The following FRY variants were observed in gnomAD, a reference collection of about 807,000 sequenced individuals.
The protein encoded by FRY is protein furry homolog.
Under a neutral mutation model 348.4 loss-of-function variants are expected in FRY, and 128 were observed. The observed-to-expected ratio is 0.37, with a 90% confidence interval of 0.32 to 0.43. The LOEUF (loss-of-function observed/expected upper bound fraction) is 0.43. FRY is among the 20% of genes least tolerant of loss of function. FRY has a pLI of 1.00. For synonymous variants in FRY, 1,370 were observed against 1,374.7 expected (o/e 1.00, Z 0.08); for missense variants, 2,736 against 3,695.2 (o/e 0.74, Z 6.73).
rs7330552 is a variant in FRY, at chr13:32,132,767, C to A, written c.885+927C>A. Among the ~76,000 whole-genome samples the A allele has an allele frequency of 8.9e-3, 1,349 of 152,108 alleles. 28 individuals are homozygous for A. Among genetic ancestry groups the A allele is most frequent in the African/African-American group, 0.031 (1,284 of 41,496 alleles). On this transcript the variant is annotated intron_variant, in intron 8 of 60. Coordinates refer to ENST00000542859, the MANE Select transcript of FRY (RefSeq NM_023037.3). ...TTCATAGCAGCATTATTCATAGTTG[C>A]CAAAAAGTGGAAACAACCCAAATGT...
At chr13:32,263,314 A>G (rs906024710) in intron 53 of FRY, among the ~76,000 whole-genome samples, 2 of 152,236 alleles carry the variant, frequency 1.3e-5, no homozygotes, top group African/African-American at 4.8e-5. Flanking sequence ...CTAATGGAAA[A>G]ATATAATATT....
In FRY at chr13:32,265,514, A is replaced by G. The variant is rs762846762; in HGVS notation, c.7844A>G (p.Asn2615Ser). 1.1e-5 allele frequency: 17 copies of G among 1,614,012 alleles called. No homozygotes were observed. Among genetic ancestry groups the G allele is most frequent in the Middle Eastern group, 1.6e-4 (1 of 6,084 alleles). ...GAGGATGATCTTTCTAGTTCCATCA[A>G]TGAACTCCCAGCAGCTTTTGAATGC... Reference protein sequence around the residue: ...VHEDDLSSSINELPAAFECSD... With the variant: ...VHEDDLSSSISELPAAFECSD... The change falls in exon 54 of 61, where the codon AAT becomes AGT. Residue 2615 changes from asparagine (N) to serine (S), a missense_variant. This residue lies in a region of FRY where 789 missense variants were observed against 996.2 expected (regional missense o/e 0.79). Transcript: ENST00000542859.
rs1265346953 is a variant in FRY, at chr13:32,055,538, G to A, written c.71-23296G>A. 2.0e-5 allele frequency among the ~76,000 whole-genome samples: 3 copies of A among 152,216 alleles called. No homozygotes were observed. The South Asian group carries it at 6.2e-4, about 32-fold the overall frequency. On this transcript the variant is annotated intron_variant, in intron 1 of 60. Transcript: ENST00000542859. ...CCTTGCCAGGGATTCAAATTCTGTA[G>A]GTCTTCATGAGGCCATTGAGTCTGT...
At chr13:32,113,085 G>A (rs181511378) in intron 3 of FRY, among the ~76,000 whole-genome samples, 12 of 152,084 alleles carry the variant, frequency 7.9e-5, no homozygotes, top group Admixed American at 3.3e-4. Context: ...AATCTTTGTC[G>A]TTACTCATCA....
At chr13:32,045,226 T>G (rs564662025) in intron 1 of FRY, among the ~76,000 whole-genome samples, 15 of 152,196 alleles carry the variant, frequency 9.9e-5, no homozygotes, top group African/African-American at 2.9e-4. Context: ...GAAACTAGAC[T>G]TTTTTTCAAC....
At chr13:32,238,466 T>G (rs1309217010) in intron 44 of FRY, among the ~76,000 whole-genome samples, 1 of 152,028 alleles carries the variant, frequency 6.6e-6, no homozygotes, top group Non-Finnish European at 1.5e-5. Context: ...TTTGTTTTTG[T>G]TTTTTGAGAC....
intron 58 of FRY, among the ~76,000 whole-genome samples, chr13:32,287,119 C>A (rs1412249906): frequency 6.7e-6 from 1 of 149,872 alleles, no homozygotes; most frequent in Non-Finnish European, 1.5e-5. Context: ...GAGCCAAAAT[C>A]GTGCCACTGT....
At chr13:32,059,136 C>G (rs1196978633) in intron 1 of FRY, among the ~76,000 whole-genome samples, 1 of 152,036 alleles carries the variant, frequency 6.6e-6, no homozygotes, top group Non-Finnish European at 1.5e-5. Context: ...CTCTTCACTT[C>G]CCTTAGTATC....
chr13:32,132,872 C>A (rs1879455585), intron 8 of FRY, among the ~76,000 whole-genome samples: 1 of 152,126 alleles, frequency 6.6e-6, no homozygotes, highest in Non-Finnish European at 1.5e-5. Context: ...AGTAGTGAAG[C>A]TGATACATGC....
Position 32,289,777 on chromosome 13 carries a change from C to A in FRY, c.8580+34C>A, listed in dbSNP as rs758576311. 17 of 1,064,610 alleles carry A rather than the reference C, an allele frequency of 1.6e-5. No homozygotes were observed. In the South Asian group the frequency reaches 2.0e-4, roughly 12 times the overall value. The allele number at this position is 1,064,610 out of a possible 1,614,324, so 65.9% of individuals were successfully genotyped here. A position where few individuals can be genotyped will look rare whatever the true frequency, so the allele number is the denominator to read the frequency against. On this transcript the variant is annotated intron_variant, in intron 59 of 60. Transcript: ENST00000542859. ...ACACGCTTCCCAACCCCACGTCCCA[C>A]CACAAAAACCATTTCTTTTGTTCTT...
chr13:32,253,014 C>G (rs1351002354), intron 50 of FRY, among the ~76,000 whole-genome samples: 1 of 152,202 alleles, frequency 6.6e-6, no homozygotes, highest in Non-Finnish European at 1.5e-5. Flanking sequence ...AGGCCTACTT[C>G]TTATCGTCAT....
Position 32,111,334 on chromosome 13 carries a change from C to CA in FRY, c.325-5988dup, listed in dbSNP as rs995166814. 5.0e-3 allele frequency among the ~76,000 whole-genome samples: 720 copies of CA among 144,186 alleles called. 3 individuals carry two copies. The highest frequency in any genetic ancestry group is 8.9e-3 in the African/African-American group (351 of 39,430). 94.6% of individuals were successfully genotyped at this position (144,186 alleles called of 152,430 possible). On this transcript the variant is annotated intron_variant, in intron 3 of 60. Coordinates refer to ENST00000542859, the MANE Select transcript of FRY (RefSeq NM_023037.3). ...GAAACCCCATCTCTACTAAAAATACCAAAAAAAAAAAATTAGCTGGGCGTG... is the reference window on the plus strand; with the variant it reads ...GAAACCCCATCTCTACTAAAAATACCAAAAAAAAAAAAATTAGCTGGGCGTG...
At chr13:32,291,580 T>C (rs1004765861) in intron 59 of FRY, among the ~76,000 whole-genome samples, 11 of 151,844 alleles carry the variant, frequency 7.2e-5, no homozygotes, top group Non-Finnish European at 1.6e-4. Context: ...TAATTTTGTA[T>C]TTTTAGTAGA....
At chr13:32,050,954 C>T (rs1164163041) in intron 1 of FRY, among the ~76,000 whole-genome samples, 2 of 152,130 alleles carry the variant, frequency 1.3e-5, no homozygotes, top group African/African-American at 2.4e-5. Context: ...CCACCACATA[C>T]GCATTTTAGG....
At chr13:32,224,830 G>A (rs1885496977) in intron 37 of FRY, 103 bp from the exon 38 acceptor site, 1 of 777,280 alleles carries the variant, frequency 1.3e-6, no homozygotes, top group Admixed American at 1.9e-5. Flanking sequence ...CTTATATAAT[G>A]TTTTAAAAAC....
chr13:32,080,846 T>A (rs764616897), intron 2 of FRY, among the ~76,000 whole-genome samples: 127 of 152,178 alleles, frequency 8.3e-4, no homozygotes, highest in Non-Finnish European at 8.7e-4. Flanking sequence ...ACAGGTCTAG[T>A]CTCTTTGAAA....
In FRY at chr13:32,127,253, T is replaced by C. The variant is rs188452634; in HGVS notation, c.716+2378T>C. Among the ~76,000 whole-genome samples, 10 of 152,334 alleles carry C rather than the reference T, an allele frequency of 6.6e-5. No individual in the cohort carries two copies. In the East Asian group the frequency reaches 1.9e-3, roughly 29 times the overall value. ...TTACTCATTTTTGTAATATGTACTA[T>C]ACATTTTAAAGCAGAAGTTTATATT... is the stretch of plus-strand genomic sequence containing the variant. On this transcript the variant is annotated intron_variant, in intron 7 of 60. Transcript: ENST00000542859.
intron 47 of FRY, among the ~76,000 whole-genome samples, chr13:32,245,940 CA>C (rs1445424141): frequency 6.6e-6 from 1 of 152,162 alleles, no homozygotes; most frequent in Non-Finnish European, 1.5e-5. Context: ...TTTACTTCAC[CA>C]AATTACTTAC....
intron 35 of FRY, among the ~76,000 whole-genome samples, chr13:32,217,246 T>TC (rs1221900269): frequency 1.2e-4 from 18 of 152,216 alleles, no homozygotes. Flanking sequence ...CTTAGTTCTT[T>TC]GTTTTGGCTA....
Sources: allele counts gnomAD v4.1 joint callset (sites outside exome capture counted in the v4.1 genomes callset), GRCh38; gene constraint gnomAD v4.1.1; regional missense constraint gnomAD v4.1.1; transcripts MANE v1.5; gene names NCBI Gene and HGNC (gene_info 2026-07-23, HGNC 2026-07-21).